Variants in ATP8B4 observed in about 807,000 individuals in gnomAD.
ATP8B4 encodes ATPase phospholipid transporting 8B4 (putative), also known as probable phospholipid-transporting ATPase IM.
ATP8B4 carries 133 observed loss-of-function variants against 145.6 expected under a neutral mutation model. The ratio of observed to expected loss-of-function variants is 0.91; its 90% CI spans 0.79 to 1.05. The LOEUF is 1.05. Ranked by LOEUF, ATP8B4 falls within the 50% of genes least tolerant of loss-of-function variation. The probability of loss-of-function intolerance (pLI) is 0.00; values close to 1 mark genes in which losing one functional copy is unlikely to be tolerated. For missense variants in ATP8B4, 1,458 were observed against 1,425.2 expected (o/e 1.02, Z -0.37); for synonymous variants, 507 against 492.9 (o/e 1.03, Z -0.38).
rs58363112 is a variant in ATP8B4 at position 50,029,238 on chromosome 15, TAA to T, written c.362+9528_362+9529del. 1.2e-3 allele frequency among the ~76,000 whole-genome samples: 92 copies of T among 76,612 alleles called. 4 individuals carry two copies. Among genetic ancestry groups the T allele is most frequent in the African/African-American group, 5.0e-3 (82 of 16,484 alleles). The allele number at this position is 76,612 out of a possible 152,430, so 50.3% of individuals were successfully genotyped here. A position where few individuals can be genotyped will look rare whatever the true frequency, so the allele number is the denominator to read the frequency against. On this transcript the variant is annotated intron_variant, in intron 6 of 27. Transcript: ENST00000284509. Reference sequence around the variant, plus strand: ...CTGGCAACAGAGCAAGACTCCATCTTAAAAAAAAAAAAAAAAAAACAGAAAAA... The same window carrying T: ...CTGGCAACAGAGCAAGACTCCATCTTAAAAAAAAAAAAAAAAACAGAAAAA...
chr15:49,879,450 C>A lies in ATP8B4; in HGVS notation c.2707G>T (p.Asp903Tyr). The A allele has an allele frequency of 6.2e-7, 1 of 1,605,796 alleles. No individual in the cohort carries two copies. The highest frequency in any genetic ancestry group is 1.1e-5 in the South Asian group (1 of 90,112). ...TTAAAAAGGGTGATGAACCACTGGT[C>A]ATAAACAGTCTGAAAAGAAATATAA... ...FCGFSAQTVY[D>Y]QWFITLFNIV... is the part of the protein sequence containing the mutation. The change falls in exon 24 of 28, where the codon GAC becomes TAC. Residue 903 changes from aspartate (D) to tyrosine (Y), a missense_variant. Physicochemically the swap from Asp to Tyr is radical, Grantham distance 160. Coordinates refer to ENST00000284509, the MANE Select transcript of ATP8B4 (RefSeq NM_024837.4).
intron 14 of ATP8B4, among the ~76,000 whole-genome samples, chr15:49,941,721 T>C (rs2042174758): frequency 6.6e-6 from 1 of 152,086 alleles, no homozygotes; most frequent in Admixed American, 6.6e-5. Flanking sequence ...AGTCATCATA[T>C]AAAAAGACAC....
Position 50,029,252 on chromosome 15 carries a change from A to AAAAAAC in ATP8B4, c.362+9510_362+9515dup, listed in dbSNP as rs1555461412. Among the ~76,000 whole-genome samples the AAAAAAC allele has an allele frequency of 2.0e-5, 3 of 150,712 alleles. 1 individual carries two copies. Among genetic ancestry groups the AAAAAAC allele is most frequent in the Non-Finnish European group, 4.4e-5 (3 of 67,710 alleles). Reference sequence around the variant, plus strand: ...AGACTCCATCTTAAAAAAAAAAAAAAAAAAACAGAAAAATACAGCAGAATT... The same window carrying AAAAAAC: ...AGACTCCATCTTAAAAAAAAAAAAAAAAAAACAAAAACAGAAAAATACAGCAGAATT... On this transcript the variant is annotated intron_variant, in intron 6 of 27. Transcript: ENST00000284509.
At chr15:50,043,911 C>T (rs893256244) in intron 5 of ATP8B4, among the ~76,000 whole-genome samples, 1 of 150,618 alleles carries the variant, frequency 6.6e-6, no homozygotes, top group Admixed American at 6.6e-5. Flanking sequence ...CGAGATTGCG[C>T]CACTGCAGTC....
intron 23 of ATP8B4, among the ~76,000 whole-genome samples, chr15:49,893,441 T>C (rs780613720): frequency 6.6e-6 from 1 of 152,168 alleles, no homozygotes; most frequent in Non-Finnish European, 1.5e-5. Context: ...AAATGTAGTA[T>C]ATACATACAA....
chr15:50,163,292 T>C (rs1356060762), intron 1 of ATP8B4, among the ~76,000 whole-genome samples: 1 of 152,256 alleles, frequency 6.6e-6, no homozygotes, highest in Non-Finnish European at 1.5e-5. Flanking sequence ...TCCAAGGCAC[T>C]TGGGTATTGT....
rs142036586 is a variant in ATP8B4 at position 50,079,683 on chromosome 15, G to T, written c.29-5498C>A. 3.9e-4 allele frequency among the ~76,000 whole-genome samples: 59 copies of T among 152,276 alleles called. No individual in the cohort carries two copies. The East Asian group carries it at 0.011, about 29-fold the overall frequency. ...TTATCTCAGGACACAATTCAGAGGG[G>T]TCTATGATGGGGTCTCTGTACTCAT... On this transcript the variant is annotated intron_variant, in intron 2 of 27. Coordinates refer to ENST00000284509, the MANE Select transcript of ATP8B4 (RefSeq NM_024837.4).
Position 49,897,400 on chromosome 15 carries a change from C to T in ATP8B4, c.2589G>A (p.Arg863=), listed in dbSNP as rs2037519127. ...ATTTGCACATTCGGAAATAAGACCA[C>T]CTTCCATGAACAAGGAGAAGCCTTT... ...YLQRLLLVHG[R]WSYFRMCKFL... Residue 863 remains arginine (R), a synonymous_variant, in exon 23 of 28, where the codon AGG becomes AGA. Transcript: ENST00000284509. 3.1e-6 allele frequency: 5 copies of T among 1,613,924 alleles called. No individual in the cohort carries two copies. The East Asian group carries it at 1.1e-4, about 36-fold the overall frequency.
intron 1 of ATP8B4, among the ~76,000 whole-genome samples, chr15:50,156,115 TATAAATATATTTATATATATATAA>T (rs1222807514): frequency 0.08 from 1,610 of 20,200 alleles, 203 homozygotes; most frequent in Non-Finnish European, 0.11. Flanking sequence ...TAAATATATA[TATAAATATATTTATATATATATAA>T]ATATATATAT....
chr15:50,014,021 T>C (rs888369529), intron 6 of ATP8B4, among the ~76,000 whole-genome samples: 1 of 152,172 alleles, frequency 6.6e-6, no homozygotes, highest in African/African-American at 2.4e-5. Context: ...TTGGAAGCAA[T>C]ATTGCAAGTG....
chr15:50,074,890 T>C (rs569330563), intron 2 of ATP8B4, among the ~76,000 whole-genome samples: 1 of 152,268 alleles, frequency 6.6e-6, no homozygotes, highest in South Asian at 2.1e-4. Flanking sequence ...GTAGTAAGGG[T>C]AGCAAGCTCT....
At chr15:49,962,984 C>A (rs1340588115) in intron 13 of ATP8B4, among the ~76,000 whole-genome samples, 1 of 151,958 alleles carries the variant, frequency 6.6e-6, no homozygotes, top group Admixed American at 6.6e-5. Flanking sequence ...AGACAACCTA[C>A]AGAATGAGAG....
At chr15:49,962,084 T>C in intron 13 of ATP8B4, 64 bp from the exon 14 acceptor site, 2 of 1,217,304 alleles carry the variant, frequency 1.6e-6, no homozygotes, top group Non-Finnish European at 2.3e-6. Context: ...GACATTTAGT[T>C]TTAAGGAATA....
At chr15:50,073,313 C>A (rs186750772) in intron 3 of ATP8B4, among the ~76,000 whole-genome samples, 1 of 152,008 alleles carries the variant, frequency 6.6e-6, no homozygotes, top group Admixed American at 6.6e-5. Flanking sequence ...TCGACTCCCA[C>A]TTAAGAGTGA....
At chr15:49,903,599 A>G (rs963818669) in intron 20 of ATP8B4, among the ~76,000 whole-genome samples, 1 of 152,210 alleles carries the variant, frequency 6.6e-6, no homozygotes, top group Non-Finnish European at 1.5e-5. Context: ...GAAAGGTTAA[A>G]TTGATCTGTT....
At chr15:49,962,126 A>C in intron 13 of ATP8B4, 106 bp from the exon 14 acceptor site, 1 of 807,538 alleles carries the variant, frequency 1.2e-6, no homozygotes, top group Non-Finnish European at 1.9e-6. Context: ...CCATTACTAA[A>C]TGGCATTATG....
chr15:50,115,091 G>A (rs1352324001), intron 1 of ATP8B4, among the ~76,000 whole-genome samples: 1 of 152,226 alleles, frequency 6.6e-6, no homozygotes, highest in East Asian at 1.9e-4. Flanking sequence ...AACACTTTGG[G>A]AGGCCAAGGT....
At chr15:50,048,703 G>T (rs1229473479) in intron 3 of ATP8B4, among the ~76,000 whole-genome samples, 1 of 143,098 alleles carries the variant, frequency 7.0e-6, no homozygotes, top group Non-Finnish European at 1.5e-5. Context: ...GCAAGACTCT[G>T]CCAAAAAAAA....
intron 10 of ATP8B4, among the ~76,000 whole-genome samples, chr15:49,981,664 A>C (rs2046168460): frequency 6.6e-6 from 1 of 152,216 alleles, no homozygotes. Flanking sequence ...ATGCAGCAAC[A>C]AACACAATTC....
Sources: allele counts gnomAD v4.1 joint callset (sites outside exome capture counted in the v4.1 genomes callset), GRCh38; gene constraint gnomAD v4.1.1; transcripts MANE v1.5; gene names NCBI Gene and HGNC (gene_info 2026-07-23, HGNC 2026-07-21).